The following SRPK2 variants were observed in gnomAD, a reference collection of about 807,000 sequenced individuals.
SRPK2 encodes the protein SRSF protein kinase 2.
SRPK2 carries 21 observed loss-of-function variants against 90.8 expected under a neutral mutation model. The observed-to-expected ratio is 0.23, with a 90% confidence interval of 0.16 to 0.33. The LOEUF (loss-of-function observed/expected upper bound fraction) is 0.33. SRPK2 is among the 10% of genes least tolerant of loss of function. The pLI, the probability that SRPK2 is intolerant of heterozygous loss-of-function variation, is 1.00. For missense variants in SRPK2, 620 were observed against 869.0 expected (o/e 0.71, Z 3.60); for synonymous variants, 288 against 311.1 (o/e 0.93, Z 0.78).
chr7:105,130,944 G>A (rs912657457), intron 13 of SRPK2, among the ~76,000 whole-genome samples: 2 of 152,186 alleles, frequency 1.3e-5, no homozygotes, highest in African/African-American at 2.4e-5. Flanking sequence ...TTGGGAATCT[G>A]TTATTGATAT....
intron 3 of SRPK2, among the ~76,000 whole-genome samples, chr7:105,176,798 C>T (rs932720267): frequency 6.6e-6 from 1 of 151,030 alleles, no homozygotes; most frequent in Non-Finnish European, 1.5e-5. Flanking sequence ...CCACGCCTGG[C>T]TAATTTTTGT....
chr7:105,244,978 T>TC (rs1801404360), intron 2 of SRPK2: 1 of 1,170,818 alleles, frequency 8.5e-7, no homozygotes, highest in South Asian at 1.3e-5. Context: ...TGAGCCCCCT[T>TC]CCCTGCCCTC....
intron 6 of SRPK2, among the ~76,000 whole-genome samples, chr7:105,165,690 A>G (rs1235440857): frequency 6.6e-6 from 1 of 152,210 alleles, no homozygotes; most frequent in Non-Finnish European, 1.5e-5. Flanking sequence ...TGTAAAATGG[A>G]CCAATCGGCA....
chr7:105,376,275 G>A (rs1820288234), intron 2 of SRPK2, among the ~76,000 whole-genome samples: 1 of 151,584 alleles, frequency 6.6e-6, no homozygotes, highest in South Asian at 2.1e-4. Flanking sequence ...GGGATTACAG[G>A]CACAAATCAC....
At chr7:105,354,186 AC>A (rs537017661) in intron 2 of SRPK2, among the ~76,000 whole-genome samples, 28 of 152,148 alleles carry the variant, frequency 1.8e-4, no homozygotes, top group Non-Finnish European at 2.8e-4. Flanking sequence ...TGGTAACAGG[AC>A]CAGTCACAGG....
chr7:105,126,001 C>A, intron 15 of SRPK2: 1 of 650,526 alleles, frequency 1.5e-6, no homozygotes. Flanking sequence ...AAAGTACAGG[C>A]CTTCCTCGCG....
At chr7:105,217,083 G>A (rs1483293920) in intron 2 of SRPK2, among the ~76,000 whole-genome samples, 1 of 152,184 alleles carries the variant, frequency 6.6e-6, no homozygotes. Context: ...GCACGATACT[G>A]CTACAGGCCT....
rs370667946 is a variant in SRPK2 at position 105,309,800 on chromosome 7, T to C, written c.71+78848A>G. ...CACCAGTTTGCCTCCTGTGACATTA[T>C]AGATCTTACTTATCCATTCTGCAGA... On this transcript the variant is annotated intron_variant, in intron 2 of 15. Coordinates refer to ENST00000393651, the MANE Select transcript of SRPK2 (RefSeq NM_182692.3). Among the ~76,000 whole-genome samples, 20 of 152,316 alleles carry C rather than the reference T, an allele frequency of 1.3e-4. No individual in the cohort carries two copies. In the South Asian group the frequency reaches 3.5e-3, roughly 27 times the overall value.
chr7:105,391,963 A>G (rs1822193922), upstream of SRPK2, among the ~76,000 whole-genome samples: 1 of 152,270 alleles, frequency 6.6e-6, no homozygotes, highest in Non-Finnish European at 1.5e-5. Flanking sequence ...ATGGTCATCC[A>G]TAAATGAATG....
At chr7:105,238,046 A>T (rs1800347249) in intron 2 of SRPK2, among the ~76,000 whole-genome samples, 1 of 152,232 alleles carries the variant, frequency 6.6e-6, no homozygotes, top group Non-Finnish European at 1.5e-5. Flanking sequence ...CAAAATAACT[A>T]TTCCATACTC....
chr7:105,313,589 A>T (rs1045966601), intron 2 of SRPK2, among the ~76,000 whole-genome samples: 2 of 152,012 alleles, frequency 1.3e-5, no homozygotes, highest in African/African-American at 4.8e-5. Flanking sequence ...ATCTCTACTA[A>T]AATACAAAAA....
At chr7:105,201,296 G>T (rs767813861) in intron 3 of SRPK2, among the ~76,000 whole-genome samples, 1 of 152,056 alleles carries the variant, frequency 6.6e-6, no homozygotes, top group African/African-American at 2.4e-5. Flanking sequence ...CCAAATTTGG[G>T]GGGGGCTGGC....
At chr7:105,380,270 T>C (rs1236691021) in intron 2 of SRPK2, among the ~76,000 whole-genome samples, 1 of 152,104 alleles carries the variant, frequency 6.6e-6, no homozygotes, top group Non-Finnish European at 1.5e-5. Flanking sequence ...TAGCTGGGAC[T>C]ACAGGCATGT....
At chr7:105,157,734 C>A (rs1344690273) in intron 7 of SRPK2, among the ~76,000 whole-genome samples, 4 of 152,092 alleles carry the variant, frequency 2.6e-5, no homozygotes, top group Non-Finnish European at 5.9e-5. Flanking sequence ...TATAAGAGCT[C>A]TTTCTAAGTT....
intron 11 of SRPK2, among the ~76,000 whole-genome samples, chr7:105,140,411 G>T (rs898813112): frequency 2.0e-5 from 3 of 151,776 alleles, no homozygotes; most frequent in Non-Finnish European, 4.4e-5. Context: ...GACCAGCCTG[G>T]CCAACATGGT....
rs1799229082 is a variant in SRPK2 at position 105,229,995 on chromosome 7, G to A, written c.72-26210C>T. The stretch of plus-strand genomic sequence containing the variant: ...GAAGACGTGGGACTGAACTGGATCT[G>A]ACATATAGGTAGATTTTAGCCAGCA... On this transcript the variant is annotated intron_variant, in intron 2 of 15. Transcript: ENST00000393651. Among the ~76,000 whole-genome samples, 3 of 152,180 alleles carry A rather than the reference G, an allele frequency of 2.0e-5. No homozygotes were observed. The South Asian group carries it at 6.2e-4, about 32-fold the overall frequency.
At chr7:105,192,804 T>C (rs1402190697) in intron 3 of SRPK2, among the ~76,000 whole-genome samples, 2 of 152,194 alleles carry the variant, frequency 1.3e-5, no homozygotes, top group Non-Finnish European at 1.5e-5. Context: ...ATTAGTGATG[T>C]TGAGCATTTT....
chr7:105,154,167 C>A lies in SRPK2; in HGVS notation c.621+6340G>T, dbSNP rs1419562511. 2.0e-5 allele frequency among the ~76,000 whole-genome samples: 3 copies of A among 152,212 alleles called. No individual in the cohort carries two copies. In the East Asian group the frequency reaches 5.8e-4, roughly 29 times the overall value. ...GGTGAGAATTAATGAGAAAAGCCAG[C>A]AGCTGTACTTCTGAATGTCATCAGG... On this transcript the variant is annotated intron_variant, in intron 7 of 15. Coordinates refer to ENST00000393651, the MANE Select transcript of SRPK2 (RefSeq NM_182692.3).
chr7:105,198,140 A>T (rs1795142442), intron 3 of SRPK2, among the ~76,000 whole-genome samples: 1 of 152,202 alleles, frequency 6.6e-6, no homozygotes, highest in African/African-American at 2.4e-5. Context: ...CTTAGAATGG[A>T]GCAGATTTTA....
Sources: gnomAD v4.1 joint callset for allele counts (sites outside exome capture counted in the v4.1 genomes callset) on GRCh38, gnomAD v4.1.1 for gene constraint, MANE v1.5 for transcripts, NCBI Gene and HGNC (gene_info 2026-07-23, HGNC 2026-07-21) for gene names.